Variants in BMPR2 observed in about 807,000 individuals in gnomAD.
BMPR2 encodes bone morphogenetic protein receptor type 2.
In BMPR2, 29 loss-of-function variants were observed where a neutral mutation model predicts 100.8. The observed-to-expected ratio is 0.29, with a 90% confidence interval of 0.21 to 0.39. The LOEUF is 0.39. BMPR2 is among the 10% of genes least tolerant of loss of function. BMPR2 has a pLI of 1.00. For synonymous variants in BMPR2, 382 were observed against 442.3 expected (o/e 0.86, Z 1.71); for missense variants, 1,011 against 1,274.5 (o/e 0.79, Z 3.15).
chr2:202,479,937 A>G (rs1196962793), intron 3 of BMPR2, among the ~76,000 whole-genome samples: 1 of 152,052 alleles, frequency 6.6e-6, no homozygotes, highest in African/African-American at 2.4e-5. Context: ...CCCATTGCCC[A>G]TATAAAAATT....
intron 10 of BMPR2, among the ~76,000 whole-genome samples, chr2:202,544,959 G>T (rs536203105): frequency 1.3e-5 from 2 of 151,002 alleles, no homozygotes; most frequent in Non-Finnish European, 3.0e-5. Context: ...ACAGGGTCTC[G>T]CTTTGTTTCC....
chr2:202,470,107 A>G (rs918079613), intron 3 of BMPR2, among the ~76,000 whole-genome samples: 1 of 150,786 alleles, frequency 6.6e-6, no homozygotes, highest in Non-Finnish European at 1.5e-5. Context: ...ACTTTGGGAG[A>G]CTGAGGCGGG....
chr2:202,514,836 A>G, intron 4 of BMPR2, 52 bp from the exon 5 acceptor site: 2 of 1,395,668 alleles, frequency 1.4e-6, no homozygotes, highest in Non-Finnish European at 2.0e-6. Flanking sequence ...GTGTAAAAAG[A>G]TATTCATTTT....
At chr2:202,453,804 A>G (rs1692035114) in intron 1 of BMPR2, among the ~76,000 whole-genome samples, 1 of 152,212 alleles carries the variant, frequency 6.6e-6, no homozygotes, top group African/African-American at 2.4e-5. Context: ...TACATTAAAA[A>G]TAACTAATAG....
In BMPR2 at chr2:202,446,139, G is replaced by A. The variant is rs1300299446; in HGVS notation, c.77-18670G>A. On this transcript the variant is annotated intron_variant, in intron 1 of 12. Transcript: ENST00000374580. Reference sequence around the variant, plus strand: ...ACACAGGCTGGGCGTGGTGGCTCACGCCTGTAATCCCGGCACTTTGGGAGG... The same window carrying A: ...ACACAGGCTGGGCGTGGTGGCTCACACCTGTAATCCCGGCACTTTGGGAGG... Among the ~76,000 whole-genome samples the A allele has an allele frequency of 3.3e-5, 5 of 150,476 alleles. 1 individual carries two copies. Among genetic ancestry groups the A allele is most frequent in the Admixed American group, 2.0e-4 (3 of 15,210 alleles).
chr2:202,511,420 T>C (rs181607088), intron 3 of BMPR2, among the ~76,000 whole-genome samples: 310 of 152,344 alleles, frequency 2.0e-3, no homozygotes, highest in Middle Eastern at 3.4e-3. Flanking sequence ...CTTTCTGATA[T>C]ATGCCTAGGA....
intron 1 of BMPR2, among the ~76,000 whole-genome samples, chr2:202,421,308 AGG>A (rs1482630400): frequency 2.2e-4 from 31 of 143,488 alleles, no homozygotes; most frequent in African/African-American, 8.2e-4. Context: ...CATCTCCAAA[AGG>A]AAAAAAAAAA....
At chr2:202,542,532 A>C in intron 10 of BMPR2, 85 bp downstream of exon 10, 2 of 1,490,640 alleles carry the variant, frequency 1.3e-6, no homozygotes, top group Non-Finnish European at 1.8e-6. Context: ...ACTGTTAATA[A>C]CGTTAATAGT....
chr2:202,515,430 G>T (rs545726750), intron 5 of BMPR2, among the ~76,000 whole-genome samples: 74 of 151,870 alleles, frequency 4.9e-4, no homozygotes, highest in African/African-American at 1.7e-3. Context: ...AATTAGCCAG[G>T]CATGGTGGTT....
At chr2:202,398,540 G>T (rs1296040637) in intron 1 of BMPR2, among the ~76,000 whole-genome samples, 1 of 152,210 alleles carries the variant, frequency 6.6e-6, no homozygotes, top group Non-Finnish European at 1.5e-5. Context: ...GTTAAAATAA[G>T]TTTGAAGAAA....
chr2:202,424,676 A>G (rs1012136522), intron 1 of BMPR2, among the ~76,000 whole-genome samples: 6 of 152,072 alleles, frequency 3.9e-5, no homozygotes, highest in Admixed American at 6.6e-5. Context: ...AGCCTGGGCG[A>G]CAGAGCGACA....
At chr2:202,379,249 A>G (rs534924556) in intron 1 of BMPR2, among the ~76,000 whole-genome samples, 2 of 152,286 alleles carry the variant, frequency 1.3e-5, no homozygotes, top group South Asian at 4.1e-4. Context: ...TATTCAAATA[A>G]CTTTACATAT....
intron 9 of BMPR2, among the ~76,000 whole-genome samples, chr2:202,542,059 C>T (rs951824844): frequency 3.3e-5 from 5 of 150,452 alleles, no homozygotes; most frequent in Non-Finnish European, 5.9e-5. Flanking sequence ...TGCAGTGAGC[C>T]GAGATCATGC....
intron 1 of BMPR2, among the ~76,000 whole-genome samples, chr2:202,444,947 C>T (rs1305492804): frequency 2.0e-5 from 3 of 150,332 alleles, no homozygotes; most frequent in South Asian, 4.2e-4. Context: ...CGCCACCATG[C>T]CTGGCTAATT....
At chr2:202,386,570 A>G (rs888918694) in intron 1 of BMPR2, among the ~76,000 whole-genome samples, 2 of 152,088 alleles carry the variant, frequency 1.3e-5, no homozygotes, top group African/African-American at 4.8e-5. Context: ...TTAATCTAAA[A>G]GCCACTATCT....
At chr2:202,482,495 T>C (rs995399298) in intron 3 of BMPR2, among the ~76,000 whole-genome samples, 6 of 151,874 alleles carry the variant, frequency 4.0e-5, no homozygotes, top group African/African-American at 1.5e-4. Context: ...TGCCTCAGCC[T>C]CCCGGGTAGC....
intron 7 of BMPR2, among the ~76,000 whole-genome samples, chr2:202,524,317 G>A (rs962741539): frequency 2.2e-4 from 33 of 149,412 alleles, no homozygotes; most frequent in African/African-American, 6.9e-4. Context: ...AGCCGAGATC[G>A]CGCCACTGCA....
At chr2:202,414,028 T>G (rs1691072670) in intron 1 of BMPR2, among the ~76,000 whole-genome samples, 1 of 152,236 alleles carries the variant, frequency 6.6e-6, no homozygotes, top group Non-Finnish European at 1.5e-5. Flanking sequence ...TTTATTGTGC[T>G]TCACTATTGC....
chr2:202,478,273 C>T (rs894595525), intron 3 of BMPR2, among the ~76,000 whole-genome samples: 7 of 152,044 alleles, frequency 4.6e-5, no homozygotes, highest in African/African-American at 1.4e-4. Flanking sequence ...AGGAGAAATA[C>T]GTGTGTGAGG....
Sources: allele counts gnomAD v4.1 joint callset (sites outside exome capture counted in the v4.1 genomes callset), GRCh38; gene constraint gnomAD v4.1.1; transcripts MANE v1.5; gene names NCBI Gene and HGNC (gene_info 2026-07-23, HGNC 2026-07-21).